CAMKMT: variants seen among roughly 807,000 people sequenced by gnomAD.
CAMKMT encodes the protein calmodulin-lysine N-methyltransferase.
Under a neutral mutation model 48.0 loss-of-function variants are expected in CAMKMT, and 53 were observed. The observed-to-expected ratio is 1.10, with a 90% CI of 0.89 to 1.39. The LOEUF is 1.39. Ranked by LOEUF, CAMKMT falls within the 40% of genes most tolerant of loss-of-function variation. CAMKMT has a pLI of 0.00. For missense variants in CAMKMT, 428 were observed against 402.7 expected (o/e 1.06, Z -0.54); for synonymous variants, 165 against 152.3 (o/e 1.08, Z -0.61).
intron 3 of CAMKMT, among the ~76,000 whole-genome samples, chr2:44,566,597 C>A (rs1342570973): frequency 6.6e-6 from 1 of 152,010 alleles, no homozygotes; most frequent in African/African-American, 2.4e-5. Context: ...AAGGATCAAG[C>A]AGCCCTCTTT....
At chr2:44,616,093 T>C (rs1299540751) in intron 3 of CAMKMT, among the ~76,000 whole-genome samples, 1 of 152,214 alleles carries the variant, frequency 6.6e-6, no homozygotes, top group Non-Finnish European at 1.5e-5. Context: ...TCATAAGTCC[T>C]GTGGATTGTC....
intron 3 of CAMKMT, among the ~76,000 whole-genome samples, chr2:44,434,154 G>A (rs963075972): frequency 2.0e-5 from 3 of 151,942 alleles, no homozygotes; most frequent in Non-Finnish European, 2.9e-5. Flanking sequence ...TTGCAGTGCC[G>A]TCTTCATTAT....
rs1194466307 is a variant in CAMKMT, at chr2:44,538,391, GAAAAGAA to G, written c.376+148096_376+148102del. ...TCAAAAACAAAAAAAAAAAAGAAAAGAAAAGAAAAAAGAAAATGTAGTATATATACAC... is the reference window on the plus strand; with the variant it reads ...TCAAAAACAAAAAAAAAAAAGAAAAGAAAAGAAAATGTAGTATATATACAC... On this transcript the variant is annotated intron_variant, in intron 3 of 10. Coordinates refer to ENST00000378494, the MANE Select transcript of CAMKMT (RefSeq NM_024766.5). 1.7e-3 allele frequency among the ~76,000 whole-genome samples: 256 copies of G among 149,992 alleles called. No individual in the cohort carries two copies. The Middle Eastern group carries it at 0.028, about 16-fold the overall frequency.
At chr2:44,761,753 G>A (rs1680629210) in intron 9 of CAMKMT, among the ~76,000 whole-genome samples, 1 of 152,172 alleles carries the variant, frequency 6.6e-6, no homozygotes, top group African/African-American at 2.4e-5. Context: ...GAAGTGCTTG[G>A]TACCTAAGAG....
At chr2:44,525,360 A>T (rs1396988604) in intron 3 of CAMKMT, among the ~76,000 whole-genome samples, 3 of 152,042 alleles carry the variant, frequency 2.0e-5, no homozygotes, top group Non-Finnish European at 4.4e-5. Flanking sequence ...GATTCAAGCA[A>T]TTCTCCTGCC....
intron 3 of CAMKMT, among the ~76,000 whole-genome samples, chr2:44,473,902 C>T (rs1345307631): frequency 6.6e-6 from 1 of 152,160 alleles, no homozygotes; most frequent in Non-Finnish European, 1.5e-5. Context: ...ACCTTTCAAT[C>T]CGTAAACTGG....
At chr2:44,605,843 A>G (rs1380757704) in intron 3 of CAMKMT, among the ~76,000 whole-genome samples, 5 of 152,048 alleles carry the variant, frequency 3.3e-5, no homozygotes, top group African/African-American at 1.2e-4. Context: ...AGAAATTATT[A>G]TGTTGGCATA....
At chr2:44,593,295 C>T (rs933708219) in intron 3 of CAMKMT, among the ~76,000 whole-genome samples, 12 of 152,160 alleles carry the variant, frequency 7.9e-5, no homozygotes, top group Admixed American at 7.2e-4. Context: ...TCCTTTAATC[C>T]TTTCTGATAG....
intron 3 of CAMKMT, among the ~76,000 whole-genome samples, chr2:44,403,848 A>G (rs936807493): frequency 1.3e-5 from 2 of 152,220 alleles, no homozygotes; most frequent in Admixed American, 1.3e-4. Context: ...TTTCCAGTTT[A>G]CATGTATTGA....
In CAMKMT at chr2:44,539,994, A is replaced by G. The variant is rs113384872; in HGVS notation, c.376+149689A>G. ...GGCGATACTTTGAAACTATTGAAACATATTGTTCCTCATTAAACTTTCAGT... is the reference window on the plus strand; with the variant it reads ...GGCGATACTTTGAAACTATTGAAACGTATTGTTCCTCATTAAACTTTCAGT... On this transcript the variant is annotated intron_variant, in intron 3 of 10. Coordinates refer to ENST00000378494, the MANE Select transcript of CAMKMT (RefSeq NM_024766.5). Among the ~76,000 whole-genome samples, 285 of 152,268 alleles carry G rather than the reference A, an allele frequency of 1.9e-3. 1 individual carries two copies. The Middle Eastern group carries it at 0.027, about 15-fold the overall frequency.
At chr2:44,615,063 G>A (rs1395997638) in intron 3 of CAMKMT, among the ~76,000 whole-genome samples, 1 of 113,682 alleles carries the variant, frequency 8.8e-6, no homozygotes, top group African/African-American at 3.2e-5. Flanking sequence ...GAGTAGTTGG[G>A]ACTACAGGTG....
intron 3 of CAMKMT, among the ~76,000 whole-genome samples, chr2:44,397,974 G>A (rs1441892955): frequency 1.3e-5 from 2 of 152,074 alleles, no homozygotes; most frequent in African/African-American, 4.8e-5. Flanking sequence ...TCTAATTTAG[G>A]TACTTCCAAG....
intron 3 of CAMKMT, among the ~76,000 whole-genome samples, chr2:44,544,040 A>T (rs991843830): frequency 2.6e-5 from 4 of 152,188 alleles, no homozygotes; most frequent in South Asian, 2.1e-4. Flanking sequence ...AAAATCTACT[A>T]TACTACTCTT....
intron 2 of CAMKMT, among the ~76,000 whole-genome samples, chr2:44,374,137 AAAAAAAT>A (rs1679448960): frequency 6.7e-6 from 1 of 150,344 alleles, no homozygotes; most frequent in African/African-American, 2.5e-5. Context: ...AAAAAAAAAA[AAAAAAAT>A]CAAAGTAAAG....
intron 3 of CAMKMT, among the ~76,000 whole-genome samples, chr2:44,672,837 G>A (rs4953131): frequency 0.76 from 115,343 of 152,068 alleles, 44,116 homozygotes; most frequent in East Asian, 0.89. Context: ...AGCAATAACA[G>A]TGTTTTATAT....
chr2:44,591,305 C>A (rs1227515343), intron 3 of CAMKMT, among the ~76,000 whole-genome samples: 1 of 152,042 alleles, frequency 6.6e-6, no homozygotes, highest in Non-Finnish European at 1.5e-5. Flanking sequence ...TCATTGGTAG[C>A]TTGATGGGGT....
At chr2:44,722,945 G>A (rs530763364) in intron 7 of CAMKMT, among the ~76,000 whole-genome samples, 2 of 152,150 alleles carry the variant, frequency 1.3e-5, no homozygotes, top group Non-Finnish European at 2.9e-5. Flanking sequence ...CCCAGCATGA[G>A]GGGGGTCTGA....
At chr2:44,535,016 A>G (rs1572736980) in intron 3 of CAMKMT, among the ~76,000 whole-genome samples, 3 of 149,488 alleles carry the variant, frequency 2.0e-5, no homozygotes, top group African/African-American at 4.9e-5. Context: ...GGAGAGGGGG[A>G]GAGAGAGAGA....
chr2:44,707,882 T>G (rs530679297), intron 6 of CAMKMT, among the ~76,000 whole-genome samples: 3 of 152,342 alleles, frequency 2.0e-5, no homozygotes, highest in African/African-American at 7.2e-5. Context: ...TGATATTGTA[T>G]GTACTGTATA....
Sources: gnomAD v4.1 joint callset for allele counts (sites outside exome capture counted in the v4.1 genomes callset) on GRCh38, gnomAD v4.1.1 for gene constraint, MANE v1.5 for transcripts, NCBI Gene and HGNC (gene_info 2026-07-23, HGNC 2026-07-21) for gene names.